ANGEL2: variants seen among roughly 807,000 people sequenced by gnomAD.
ANGEL2 encodes the protein RNA 2',3'-cyclic phosphatase ANGEL2.
Under a neutral mutation model 66.0 loss-of-function variants are expected in ANGEL2, and 41 were observed. That is an observed-to-expected ratio of 0.62 (90% CI 0.48 to 0.81). The LOEUF is 0.81. ANGEL2 is among the 30% of genes least tolerant of loss of function. The probability of loss-of-function intolerance (pLI) is 0.00; values close to 1 mark genes in which losing one functional copy is unlikely to be tolerated. For missense variants in ANGEL2, 561 were observed against 641.6 expected, an observed-to-expected ratio of 0.87 and a Z score of 1.36; for synonymous variants, 208 against 226.5, an observed-to-expected ratio of 0.92 and a Z score of 0.73.
chr1:213,011,481 AAGTC>A (rs771662613), intron 2 of ANGEL2: 1 of 1,096,978 alleles, frequency 9.1e-7, no homozygotes, highest in Non-Finnish European at 1.1e-6. Flanking sequence ...GACATATAGA[AAGTC>A]AGGTTGTAAT....
intron 2 of ANGEL2, among the ~76,000 whole-genome samples, chr1:213,010,379 G>A (rs2076471869): frequency 6.6e-6 from 1 of 152,008 alleles, no homozygotes; most frequent in Non-Finnish European, 1.5e-5. Flanking sequence ...AGACCATCCT[G>A]GCTAACACCG....
chr1:212,994,922 C>A lies in ANGEL2; in HGVS notation c.*119G>T. 1 of 909,052 alleles carries A rather than the reference C, an allele frequency of 1.1e-6. No homozygotes were observed. 56.3% of individuals were successfully genotyped at this position (909,052 alleles called of 1,614,324 possible). A position where few individuals can be genotyped will look rare whatever the true frequency, so the allele number is the denominator to read the frequency against. The stretch of plus-strand genomic sequence containing the variant: ...TGATATGGAGTTTCAAAGCATCTAA[C>A]ATAACCGCTTCAGAATCTCCACAGT... On this transcript the variant is annotated 3_prime_UTR_variant, in exon 9 of 9. Coordinates refer to ENST00000366962, the MANE Select transcript of ANGEL2 (RefSeq NM_144567.5).
At chr1:213,011,571 T>C (rs1172881083) in intron 2 of ANGEL2, 2 of 670,284 alleles carry the variant, frequency 3.0e-6, no homozygotes, top group Admixed American at 1.1e-4. Context: ...GAGTACCTAC[T>C]ATGAAGCCAA....
At chr1:213,011,153 T>TCTCTGGC in intron 2 of ANGEL2, 1 of 1,273,606 alleles carries the variant, frequency 7.9e-7, no homozygotes, top group Non-Finnish European at 1.0e-6. Flanking sequence ...GAGTGGATAG[T>TCTCTGGC]CTCTGGCCTT....
rs2076287158 is a variant in ANGEL2, at chr1:213,005,141, G to A, written c.1026C>T (p.Ser342=). ...ISSVAHQKDG[S]FCPIVMCGDF... The stretch of plus-strand genomic sequence containing the variant: ...CACCACACATAACAATAGGGCAGAA[G>A]CTGCCATCTTTCTGGTGGGCAACAC... Residue 342 remains serine (S), a synonymous_variant, in exon 5 of 9, where the codon AGC becomes AGT. Transcript: ENST00000366962. The A allele has an allele frequency of 6.2e-7, 1 of 1,614,064 alleles. No individual in the cohort carries two copies. Among genetic ancestry groups the A allele is most frequent in the African/African-American group, 1.3e-5 (1 of 74,942 alleles).
intron 4 of ANGEL2, 105 bp downstream of exon 4, chr1:213,007,024 G>A (rs2076350276): frequency 3.7e-6 from 4 of 1,074,180 alleles, no homozygotes; most frequent in Non-Finnish European, 5.5e-6. Flanking sequence ...AGCCCAGTAG[G>A]TTGAGGCTGT....
intron 2 of ANGEL2, 133 bp downstream of exon 2, chr1:213,012,960 C>T: frequency 2.4e-6 from 2 of 823,788 alleles, no homozygotes; most frequent in Non-Finnish European, 1.8e-6. Flanking sequence ...TTTTTTCTAA[C>T]ATAAAACTAC....
chr1:213,015,173 C>T (rs915298120), intron 1 of ANGEL2: 47 of 1,017,438 alleles, frequency 4.6e-5, no homozygotes, highest in Admixed American at 5.7e-5. Context: ...CAAGCCCCTC[C>T]TGGGCGTGTG....
At chr1:213,004,211 AT>A (rs1418630697) in intron 5 of ANGEL2, among the ~76,000 whole-genome samples, 1 of 152,148 alleles carries the variant, frequency 6.6e-6, no homozygotes, top group Non-Finnish European at 1.5e-5. Context: ...AAAAAAAAAA[AT>A]AAATAATTTT....
rs1359416292 is a variant in ANGEL2, at chr1:212,993,835, T to G, written c.*1206A>C. The G allele has an allele frequency of 6.6e-6, 1 of 152,230 alleles. No individual in the cohort carries two copies. The highest frequency in any genetic ancestry group is 1.5e-5 in the Non-Finnish European group (1 of 68,042). 9.4% of individuals were successfully genotyped at this position (152,230 alleles called of 1,614,324 possible). ...AAGTTAATATCTCCCCACTAGAGTT[T>G]TACAGGCTTCCTCATATTTCTGAGG... On this transcript the variant is annotated 3_prime_UTR_variant, in exon 9 of 9. Transcript: ENST00000366962.
intron 2 of ANGEL2, among the ~76,000 whole-genome samples, chr1:213,009,272 A>ATG (rs995331379): frequency 1.1e-4 from 16 of 152,056 alleles, no homozygotes; most frequent in African/African-American, 3.1e-4. Flanking sequence ...CGTGTGTGTG[A>ATG]TGTGTGTGTG....
chr1:213,006,478 A>G (rs2076331800), intron 4 of ANGEL2: 1 of 152,022 alleles, frequency 6.6e-6, no homozygotes, highest in Admixed American at 6.6e-5. Context: ...AAAAAAAAAA[A>G]AAAATTGCTG....
chr1:212,998,001 T>G (rs1250634786), intron 7 of ANGEL2, among the ~76,000 whole-genome samples: 1 of 152,168 alleles, frequency 6.6e-6, no homozygotes, highest in African/African-American at 2.4e-5. Context: ...TTCCCTTGCT[T>G]TTAAAGTGTT....
intron 2 of ANGEL2, 64 bp downstream of exon 2, chr1:213,013,029 T>C: frequency 6.7e-7 from 1 of 1,502,568 alleles, no homozygotes; most frequent in Non-Finnish European, 9.0e-7. Flanking sequence ...GGATTAGATA[T>C]GAAAGTTTCA....
chr1:213,012,775 T>C (rs1296018219), intron 2 of ANGEL2, among the ~76,000 whole-genome samples: 1 of 152,238 alleles, frequency 6.6e-6, no homozygotes, highest in African/African-American at 2.4e-5. Flanking sequence ...CTAAGGGCCT[T>C]TGTTTCAAAA....
At chr1:213,009,410 A>C (rs916820284) in intron 2 of ANGEL2, among the ~76,000 whole-genome samples, 5 of 152,236 alleles carry the variant, frequency 3.3e-5, no homozygotes, top group African/African-American at 1.2e-4. Context: ...AAACAAAAAA[A>C]TGGGAAGAAC....
chr1:213,001,700 A>G (rs1473187611), intron 5 of ANGEL2: 2 of 152,196 alleles, frequency 1.3e-5, no homozygotes, highest in Admixed American at 6.5e-5. Context: ...AACCCTTCCA[A>G]TGTTTTATCA....
Position 212,995,183 on chromosome 1 carries a change from A to T in ANGEL2, c.1493T>A (p.Val498Asp). ...EDVAGHPGAE[V>D]ALVGGLKLLA... ...AAGTTTCAAGCCACCAACCAAAGCAACTTCAGCTCCTACATTAAAGAAGCA... is the reference window on the plus strand; with the variant it reads ...AAGTTTCAAGCCACCAACCAAAGCATCTTCAGCTCCTACATTAAAGAAGCA... Residue 498 changes from valine to aspartate, a missense_variant, in exon 9 of 9, where the codon GTT becomes GAT. By Grantham distance (152) the Val-to-Asp change is radical. Transcript: ENST00000366962. The T allele has an allele frequency of 6.2e-7, 1 of 1,601,398 alleles. No individual in the cohort carries two copies. Among genetic ancestry groups the T allele is most frequent in the Non-Finnish European group, 8.5e-7 (1 of 1,174,198 alleles).
At chr1:213,001,130 T>C in intron 5 of ANGEL2, 1 of 492,330 alleles carries the variant, frequency 2.0e-6, no homozygotes, top group Non-Finnish European at 3.5e-6. Context: ...CTTTTTCCCA[T>C]ACATGCTTTT....
Sources: allele counts gnomAD v4.1 joint callset (sites outside exome capture counted in the v4.1 genomes callset), GRCh38; gene constraint gnomAD v4.1.1; transcripts MANE v1.5; gene names NCBI Gene and HGNC (gene_info 2026-07-23, HGNC 2026-07-21).